GABPB1: variants seen among roughly 807,000 people sequenced by gnomAD.
The protein encoded by GABPB1 is GA binding protein transcription factor subunit beta 1, also known as GA-binding protein subunit beta-1.
Under a neutral mutation model 45.9 loss-of-function variants are expected in GABPB1, and 15 were observed. That is an observed-to-expected ratio of 0.33 (90% CI 0.22 to 0.50). GABPB1 has a LOEUF of 0.50. GABPB1 is among the 20% of genes least tolerant of loss of function. The pLI is 0.98. For missense variants in GABPB1, 252 were observed against 457.5 expected (o/e 0.55, Z 4.10); for synonymous variants, 143 against 154.4 (o/e 0.93, Z 0.55).
At chr15:50,299,061 T>C (rs1166240273) in intron 6 of GABPB1, among the ~76,000 whole-genome samples, 2 of 152,076 alleles carry the variant, frequency 1.3e-5, no homozygotes, top group East Asian at 3.8e-4. Flanking sequence ...ACCTTAAAGC[T>C]TTCTGGTGAG....
intron 1 of GABPB1, among the ~76,000 whole-genome samples, chr15:50,318,767 G>C (rs976958458): frequency 6.6e-6 from 1 of 152,100 alleles, no homozygotes; most frequent in African/African-American, 2.4e-5. Flanking sequence ...TTTGGGATGC[G>C]TTAATGACGG....
rs1389196588 is a variant in GABPB1, at chr15:50,277,710, C to T, written c.*922G>A. Reference sequence around the variant, plus strand: ...CCATATGCATTGGGTTTTCCAAAAACATTATCTTAAAATCAGTGCCTTAAA... The same window carrying T: ...CCATATGCATTGGGTTTTCCAAAAATATTATCTTAAAATCAGTGCCTTAAA... On this transcript the variant is annotated 3_prime_UTR_variant, in exon 9 of 9. Coordinates refer to ENST00000380877, the MANE Select transcript of GABPB1 (RefSeq NM_016654.5). 3 of 152,508 alleles carry T rather than the reference C, an allele frequency of 2.0e-5. No homozygotes were observed. Among genetic ancestry groups the T allele is most frequent in the Non-Finnish European group, 4.4e-5 (3 of 68,014 alleles). 9.4% of individuals were successfully genotyped at this position (152,508 alleles called of 1,614,324 possible). A position where few individuals can be genotyped will look rare whatever the true frequency, so the allele number is the denominator to read the frequency against.
intron 1 of GABPB1, among the ~76,000 whole-genome samples, chr15:50,317,635 C>T (rs1253033914): frequency 1.3e-5 from 2 of 150,784 alleles, no homozygotes; most frequent in Non-Finnish European, 3.0e-5. Flanking sequence ...TGAGGCTGGG[C>T]GCGGTGGCTC....
At chr15:50,289,000 T>C (rs567232675) in intron 7 of GABPB1, among the ~76,000 whole-genome samples, 1 of 152,128 alleles carries the variant, frequency 6.6e-6, no homozygotes, top group Non-Finnish European at 1.5e-5. Flanking sequence ...TAATTTTGAA[T>C]ATTTTTTTTA....
At chr15:50,338,828 A>C (rs1305344850) in intron 1 of GABPB1, among the ~76,000 whole-genome samples, 2 of 152,192 alleles carry the variant, frequency 1.3e-5, no homozygotes, top group Non-Finnish European at 2.9e-5. Context: ...TTCCTTATTC[A>C]AATCTATTTT....
intron 1 of GABPB1, chr15:50,349,728 C>G (rs2141186923): frequency 6.6e-6 from 1 of 152,322 alleles, no homozygotes; most frequent in South Asian, 2.1e-4. Context: ...TTTCTACAAA[C>G]TTGCTTAAAA....
chr15:50,353,246 T>C (rs984823023), intron 1 of GABPB1: 7 of 152,232 alleles, frequency 4.6e-5, no homozygotes, highest in Admixed American at 2.6e-4. Flanking sequence ...GTCACCTAAA[T>C]TCCAACTTTT....
In GABPB1 at chr15:50,309,921, T is replaced by C. The variant is rs1270468677; in HGVS notation, c.1-123A>G. On this transcript the variant is annotated intron_variant, in intron 1 of 8. Coordinates refer to ENST00000380877, the MANE Select transcript of GABPB1 (RefSeq NM_016654.5). ...ATTATCCCTTCAAAAGAGTGTGCTATGGTTAATTTAAAATTACAGATCATA... is the reference window on the plus strand; with the variant it reads ...ATTATCCCTTCAAAAGAGTGTGCTACGGTTAATTTAAAATTACAGATCATA... 5.3e-6 allele frequency: 3 copies of C among 561,842 alleles called. No homozygotes were observed. In the African/African-American group the frequency reaches 5.7e-5, roughly 11 times the overall value. The allele number at this position is 561,842 out of a possible 1,614,324, so 34.8% of individuals were successfully genotyped here.
chr15:50,300,656 G>T, intron 6 of GABPB1, 133 bp downstream of exon 6: 1 of 605,346 alleles, frequency 1.7e-6, no homozygotes, highest in Middle Eastern at 2.6e-4. Context: ...TGTTGTCCAG[G>T]CTGGTCTCAA....
chr15:50,283,715 T>C (rs575934805), intron 8 of GABPB1, among the ~76,000 whole-genome samples: 2 of 152,162 alleles, frequency 1.3e-5, no homozygotes, highest in African/African-American at 4.8e-5. Flanking sequence ...TTTTGCCATG[T>C]TGGCCAGGCT....
At chr15:50,282,857 T>C (rs892411084) in intron 8 of GABPB1, among the ~76,000 whole-genome samples, 32 of 151,998 alleles carry the variant, frequency 2.1e-4, no homozygotes, top group African/African-American at 7.2e-4. Context: ...GAGTTCGAGA[T>C]CAGCCTGGCC....
intron 6 of GABPB1, among the ~76,000 whole-genome samples, chr15:50,300,445 T>TC (rs2046696336): frequency 8.2e-6 from 1 of 122,258 alleles, no homozygotes; most frequent in Non-Finnish European, 1.8e-5. Flanking sequence ...GGTTTTTTTT[T>TC]TTTTTTTTTT....
chr15:50,290,173 A>C (rs2046301093), intron 6 of GABPB1, among the ~76,000 whole-genome samples: 1 of 152,230 alleles, frequency 6.6e-6, no homozygotes, highest in South Asian at 2.1e-4. Context: ...AGTCTCTCAT[A>C]ATTTACAATA....
At chr15:50,297,769 A>G (rs1257973541) in intron 6 of GABPB1, among the ~76,000 whole-genome samples, 1 of 152,184 alleles carries the variant, frequency 6.6e-6, no homozygotes, top group African/African-American at 2.4e-5. Flanking sequence ...CAGGAGGCGG[A>G]GGCTTCAGTG....
At chr15:50,309,844 C>T in intron 1 of GABPB1, 46 bp from the exon 2 acceptor site, 1 of 1,088,652 alleles carries the variant, frequency 9.2e-7, no homozygotes, top group Non-Finnish European at 1.4e-6. Flanking sequence ...TCCATTTATA[C>T]ACTATGACAT....
intron 1 of GABPB1, among the ~76,000 whole-genome samples, chr15:50,312,147 C>T (rs1215041502): frequency 6.6e-6 from 1 of 152,068 alleles, no homozygotes; most frequent in Non-Finnish European, 1.5e-5. Flanking sequence ...GTGTTCGAGA[C>T]CAGCCCGGCC....
At chr15:50,285,496 C>T (rs1037959149) in intron 8 of GABPB1, among the ~76,000 whole-genome samples, 2 of 152,096 alleles carry the variant, frequency 1.3e-5, no homozygotes, top group Non-Finnish European at 2.9e-5. Flanking sequence ...ACCTGTGAAG[C>T]AACTATGGTT....
chr15:50,344,098 G>A (rs1293144039), intron 1 of GABPB1, among the ~76,000 whole-genome samples: 1 of 152,168 alleles, frequency 6.6e-6, no homozygotes, highest in African/African-American at 2.4e-5. Context: ...CAGCCGCAGG[G>A]CAAACATCCC....
chr15:50,283,677 A>G (rs2046067526), intron 8 of GABPB1, among the ~76,000 whole-genome samples: 1 of 152,002 alleles, frequency 6.6e-6, no homozygotes, highest in African/African-American at 2.4e-5. Flanking sequence ...CACCCAGCTA[A>G]TTTTTGTATT....
Sources: gnomAD v4.1 joint callset for allele counts (sites outside exome capture counted in the v4.1 genomes callset) on GRCh38, gnomAD v4.1.1 for gene constraint, MANE v1.5 for transcripts, NCBI Gene and HGNC (gene_info 2026-07-23, HGNC 2026-07-21) for gene names.